COL6A2: variants seen among roughly 807,000 people sequenced by gnomAD.
COL6A2 encodes collagen alpha-2(VI) chain.
Under a neutral mutation model 124.9 loss-of-function variants are expected in COL6A2, and 90 were observed. The ratio of observed to expected loss-of-function variants is 0.72; its 90% confidence interval spans 0.61 to 0.86. The LOEUF (loss-of-function observed/expected upper bound fraction) is 0.86. COL6A2 is among the 40% of genes least tolerant of loss of function. The probability of loss-of-function intolerance (pLI) is 0.00; values close to 1 mark genes in which losing one functional copy is unlikely to be tolerated. For synonymous variants in COL6A2, 793 were observed against 618.2 expected, an observed-to-expected ratio of 1.28 and a Z score of -4.19; for missense variants, 1,607 against 1,502.5, an observed-to-expected ratio of 1.07 and a Z score of -1.15.
chr21:46,122,210 A>T (rs1387724521), intron 19 of COL6A2, 52 bp downstream of exon 19: 1 of 1,588,450 alleles, frequency 6.3e-7, no homozygotes, highest in Non-Finnish European at 8.6e-7. Flanking sequence ...ACATTGTCCC[A>T]AGGGCCCTGA....
Position 46,116,197 on chromosome 21 carries a change from C to A in COL6A2, c.900+144C>A. 8.7e-7 allele frequency: 1 copy of A among 1,153,836 alleles called. No individual in the cohort carries two copies. The highest frequency in any genetic ancestry group is 1.3e-6 in the Non-Finnish European group (1 of 789,148). The allele number at this position is 1,153,836 out of a possible 1,614,324, so 71.5% of individuals were successfully genotyped here. On this transcript the variant is annotated intron_variant, in intron 7 of 27. Transcript: ENST00000300527. This position sits in a 1 kb window ranked among gnomAD's most constrained non-coding sequence, Gnocchi z 4.6. ...CAGAAGCACCTCGATAACTTGATGG[C>A]CGTCCCAAAACCCAGCCTCCAGCCC...
At chr21:46,124,046 GGATGGATGAGTGAACGGATGGACC>G (rs2078617071) in intron 21 of COL6A2, among the ~76,000 whole-genome samples, 6 of 149,460 alleles carry the variant, frequency 4.0e-5, no homozygotes, top group Admixed American at 2.7e-4. Context: ...GACAGTGGGT[GGATGGATGAGTGAACGGATGGACC>G]GATGGATGAA....
At chr21:46,126,766 A>G (rs1006782581) in intron 27 of COL6A2, among the ~76,000 whole-genome samples, 4 of 152,296 alleles carry the variant, frequency 2.6e-5, no homozygotes, top group African/African-American at 9.6e-5. Flanking sequence ...TCACGAGGCC[A>G]TGAGGTGGGT....
rs747184649 is a variant in COL6A2 at position 46,112,195 on chromosome 21, C to G, written c.332C>G (p.Pro111Arg). Residue 111 changes from proline to arginine, a missense_variant, in exon 3 of 28, where the codon CCG becomes CGG. By Grantham distance (103) the Pro-to-Arg change is moderately radical. This residue lies in a region of COL6A2 where 342 missense variants were observed against 381.5 expected (regional missense o/e 0.90). Coordinates refer to ENST00000300527, the MANE Select transcript of COL6A2 (RefSeq NM_001849.4). ...FSDQVEVFSP[P>R]GSDRASFIKN... ...GACCAGGTGGAGGTGTTCAGCCCAC[C>G]GGGCAGCGACCGGGCCTCCTTCATC... The G allele has an allele frequency of 6.2e-7, 1 of 1,612,952 alleles. No homozygotes were observed. The highest frequency in any genetic ancestry group is 1.7e-5 in the Admixed American group (1 of 60,034).
In COL6A2 at chr21:46,112,358, C is replaced by T. The variant is rs2078414271; in HGVS notation, c.495C>T (p.Val165=). The T allele has an allele frequency of 6.2e-7, 1 of 1,608,684 alleles. No homozygotes were observed. The highest frequency in any genetic ancestry group is 2.2e-5 in the East Asian group (1 of 44,752). ...HFAVVITDGH[V]TGSPCGGIKL... ...CCGTGGTCATCACCGACGGCCACGTCACCGGCAGCCCCTGCGGGGGCATCA... is the reference window on the plus strand; with the variant it reads ...CCGTGGTCATCACCGACGGCCACGTTACCGGCAGCCCCTGCGGGGGCATCA... The change falls in exon 3 of 28, where the codon GTC becomes GTT. Residue 165 remains valine, a synonymous_variant. Transcript: ENST00000300527.
Position 46,132,020 on chromosome 21 carries a change from G to A in COL6A2, c.2528G>A (p.Arg843Gln), listed in dbSNP as rs201736323. 1.9e-4 allele frequency: 312 copies of A among 1,609,448 alleles called. No individual in the cohort carries two copies. The highest frequency in any genetic ancestry group is 2.4e-4 in the South Asian group (22 of 91,010). ...DIVFLLDGSE[R>Q]LGEQNFHKAR... ...GTCTTCCTGCTGGACGGCTCCGAGC[G>A]GCTGGGTGAGCAGAACTTCCACAAG... The change falls in exon 28 of 28, where the codon CGG (arginine) becomes CAG (glutamine). Residue 843 changes from arginine (R) to glutamine (Q), a missense_variant. Physicochemically the swap from Arg to Gln is conservative, Grantham distance 43. This residue lies in a region of COL6A2 where 1,223 missense variants were observed against 1,052.2 expected (regional missense o/e 1.16). Coordinates refer to ENST00000300527, the MANE Select transcript of COL6A2 (RefSeq NM_001849.4).
rs764885752 is a variant in COL6A2 at position 46,122,100 on chromosome 21, T to C, written c.1522-8T>C. On this transcript the variant is annotated splice_region_variant and splice_polypyrimidine_tract_variant and intron_variant, in intron 18 of 27. Transcript: ENST00000300527. ...GACCATGCTGACCGACTCAACGTCC[T>C]CCTCCAGGGAGACCCCGGCAGGCCT... 1.9e-6 allele frequency: 3 copies of C among 1,612,452 alleles called. No homozygotes were observed. The South Asian group carries it at 3.3e-5, about 18-fold the overall frequency.
chr21:46,130,854 A>G (rs1418590441), intron 27 of COL6A2, among the ~76,000 whole-genome samples: 1 of 152,212 alleles, frequency 6.6e-6, no homozygotes, highest in African/African-American at 2.4e-5. Flanking sequence ...TGCGTCACTC[A>G]TAAGCTCACT....
chr21:46,119,176 TGAG>T (rs1262670652), intron 14 of COL6A2, 57 bp downstream of exon 14: 5 of 1,350,454 alleles, frequency 3.7e-6, no homozygotes, highest in Non-Finnish European at 5.2e-6. Context: ...CCTTGCAGCT[TGAG>T]GAGGACCATG....
rs2078398153 is a variant in COL6A2, at chr21:46,111,534, G to A, written c.58G>A (p.Ala20Thr). The change falls in exon 2 of 28, where the codon GCC (alanine) becomes ACC (threonine). Residue 20 changes from alanine (A) to threonine (T), a missense_variant. By Grantham distance (58) the Ala-to-Thr change is moderately conservative. Coordinates refer to ENST00000300527, the MANE Select transcript of COL6A2 (RefSeq NM_001849.4). ...LLWGILGAIQ[A>T]QQQEVISPDT... ...CTGGGGAATCCTGGGGGCCATCCAG[G>A]CCCAGCAGCAGGAGGTCATCTCGCC... is the stretch of plus-strand genomic sequence containing the variant. 2 of 1,613,004 alleles carry A rather than the reference G, an allele frequency of 1.2e-6. No homozygotes were observed. Among genetic ancestry groups the A allele is most frequent in the Non-Finnish European group, 1.7e-6 (2 of 1,179,938 alleles).
At chr21:46,126,593 T>C in intron 27 of COL6A2, 52 bp downstream of exon 27, 1 of 1,607,486 alleles carries the variant, frequency 6.2e-7, no homozygotes, top group Non-Finnish European at 8.5e-7. Context: ...GCAGCCCTGG[T>C]GTCCTTCCTC....
In COL6A2 at chr21:46,121,522, T is replaced by C. The variant is rs1489986109; in HGVS notation, c.1459-34T>C. The C allele has an allele frequency of 3.1e-6, 5 of 1,608,644 alleles. No homozygotes were observed. The East Asian group carries it at 8.9e-5, about 29-fold the overall frequency. On this transcript the variant is annotated intron_variant, in intron 17 of 27. Coordinates refer to ENST00000300527, the MANE Select transcript of COL6A2 (RefSeq NM_001849.4). ...CCCCTGGGCATGGCCAGTCCCTGCC[T>C]GTGCTGACTTCTGAATTTCTCTCCT...
rs773601584 is a variant in COL6A2, at chr21:46,119,071, G to C, written c.1221G>C (p.Val407=). The change falls in exon 14 of 28, where the codon GTG becomes GTC. Residue 407 remains valine (V), a synonymous_variant. Coordinates refer to ENST00000300527, the MANE Select transcript of COL6A2 (RefSeq NM_001849.4). ...GTGGAGCCCCAGGAAGTCCTGGTGT[G>C]AAAGGAGCCAAGGGCGGGCCTGGGC... is the stretch of plus-strand genomic sequence containing the variant. ...GNSGAPGSPG[V]KGAKGGPGPR... The C allele has an allele frequency of 8.1e-6, 13 of 1,612,070 alleles. No individual in the cohort carries two copies. The East Asian group carries it at 2.2e-4, about 28-fold the overall frequency.
At chr21:46,108,956 C>T (rs992448549) in intron 1 of COL6A2, among the ~76,000 whole-genome samples, 8 of 152,152 alleles carry the variant, frequency 5.3e-5, no homozygotes, top group African/African-American at 1.4e-4. Flanking sequence ...GTTAGGGGAG[C>T]TCACAGGAGA....
intron 27 of COL6A2, chr21:46,129,329 C>T (rs763851159): frequency 3.7e-5 from 60 of 1,612,798 alleles, no homozygotes; most frequent in Admixed American, 1.2e-4. Context: ...AGGACCCGGC[C>T]GCCTACTCCC....
chr21:46,117,557 GGCAGCCCA>G (rs2078491825), intron 11 of COL6A2, 104 bp downstream of exon 11: 1 of 1,201,950 alleles, frequency 8.3e-7, no homozygotes, highest in South Asian at 1.3e-5. Context: ...GGGTTCTCCC[GGCAGCCCA>G]GCAGCCCCAG....
intron 16 of COL6A2, 113 bp from the exon 17 acceptor site, chr21:46,120,948 G>GGGCCAGACCCGTCTTACCCCCGA: frequency 9.8e-7 from 1 of 1,020,342 alleles, no homozygotes; most frequent in Non-Finnish European, 1.5e-6. Context: ...ATAGGGGCCG[G>GGGCCAGACCCGTCTTACCCCCGA]GGCCAGACCC....
intron 21 of COL6A2, among the ~76,000 whole-genome samples, chr21:46,124,284 G>A (rs1001531007): frequency 4.0e-5 from 6 of 151,806 alleles, no homozygotes; most frequent in Non-Finnish European, 7.4e-5. Context: ...TGGATAGATG[G>A]ATGGGTGATT....
At chr21:46,122,785 C>A in intron 20 of COL6A2, 90 bp from the exon 21 acceptor site, 2 of 1,354,072 alleles carry the variant, frequency 1.5e-6, no homozygotes, top group Non-Finnish European at 2.1e-6. Context: ...CCCCAAAATG[C>A]CAGATCGATT....
Sources: allele counts gnomAD v4.1 joint callset (sites outside exome capture counted in the v4.1 genomes callset), GRCh38; gene constraint gnomAD v4.1.1; regional missense constraint gnomAD v4.1.1; non-coding constraint Gnocchi (gnomAD v3.1); transcripts MANE v1.5; gene names NCBI Gene and HGNC (gene_info 2026-07-23, HGNC 2026-07-21).